The following UBE2F variants were observed in gnomAD, a reference collection of about 807,000 sequenced individuals.
UBE2F encodes the protein ubiquitin conjugating enzyme E2 F (putative), also known as NEDD8-conjugating enzyme UBE2F.
A neutral mutation model predicts 29.6 loss-of-function variants in UBE2F; 5 were observed. The ratio of observed to expected loss-of-function variants is 0.17; its 90% confidence interval spans 0.09 to 0.36. UBE2F has a LOEUF of 0.36. Ranked by LOEUF, UBE2F falls within the 10% of genes least tolerant of loss-of-function variation. The probability of loss-of-function intolerance (pLI) is 1.00; values close to 1 mark genes in which losing one functional copy is unlikely to be tolerated. For synonymous variants in UBE2F, 66 were observed against 81.8 expected, an observed-to-expected ratio of 0.81 and a Z score of 1.04; for missense variants, 141 against 228.5, an observed-to-expected ratio of 0.62 and a Z score of 2.47.
intron 5 of UBE2F, 73 bp downstream of exon 5, chr2:238,016,706 C>A: frequency 7.4e-7 from 1 of 1,346,350 alleles, no homozygotes; most frequent in Non-Finnish European, 1.0e-6. Flanking sequence ...CCGCCACTGG[C>A]ACAGGGCCCT....
intron 1 of UBE2F, among the ~76,000 whole-genome samples, chr2:237,971,636 T>C (rs76795476): frequency 0.02 from 2,996 of 152,318 alleles, 97 homozygotes; most frequent in African/African-American, 0.069. Flanking sequence ...TGACAAATAT[T>C]TGTCCTCAGT....
chr2:237,973,659 A>G, intron 2 of UBE2F: 10 of 1,303,172 alleles, frequency 7.7e-6, no homozygotes, highest in Non-Finnish European at 1.0e-5. Flanking sequence ...GTCAAAGCCT[A>G]CGGCGAATCT....
At chr2:237,980,373 G>A (rs2063356085) in intron 2 of UBE2F, among the ~76,000 whole-genome samples, 2 of 152,244 alleles carry the variant, frequency 1.3e-5, no homozygotes, top group South Asian at 4.1e-4. Context: ...TCAAGTTCCT[G>A]ATGAGAGCTC....
rs2063514583 is a variant in UBE2F at position 237,987,943 on chromosome 2, T to C, written c.119-20T>C. The C allele has an allele frequency of 7.0e-7, 1 of 1,420,676 alleles. No homozygotes were observed. 88.0% of individuals were successfully genotyped at this position (1,420,676 alleles called of 1,614,324 possible). On this transcript the variant is annotated intron_variant, in intron 2 of 9. Transcript: ENST00000272930. ...TGGAGTAATTGACTAATATTAATAA[T>C]AATTTCTTTGTTTCTACAGAGGTTG...
intron 4 of UBE2F, among the ~76,000 whole-genome samples, chr2:237,998,796 T>C (rs2063736087): frequency 6.6e-6 from 1 of 152,190 alleles, no homozygotes; most frequent in Admixed American, 6.5e-5. Flanking sequence ...TCTACACATA[T>C]ATCAACATTT....
At chr2:238,012,761 T>C (rs2028929) in intron 4 of UBE2F, among the ~76,000 whole-genome samples, 133,598 of 152,206 alleles carry the variant, frequency 0.88, 58,948 homozygotes, top group East Asian at 0.97. Context: ...GACGTGGAAC[T>C]GGTGCCCTAG....
intron 6 of UBE2F, among the ~76,000 whole-genome samples, chr2:238,027,450 C>T (rs971412318): frequency 2.6e-5 from 4 of 152,254 alleles, no homozygotes; most frequent in Middle Eastern, 3.4e-3. Flanking sequence ...TGTGGCTTAC[C>T]ACTCACCAGA....
At chr2:238,026,508 A>T (rs2064433699) in intron 6 of UBE2F, among the ~76,000 whole-genome samples, 1 of 151,946 alleles carries the variant, frequency 6.6e-6, no homozygotes, top group Admixed American at 6.6e-5. Flanking sequence ...ATCTGAGCTC[A>T]CTGCAAGCTC....
At chr2:238,016,370 G>T (rs1364649574) in intron 4 of UBE2F, among the ~76,000 whole-genome samples, 196 bp from the exon 5 acceptor site, 2 of 152,108 alleles carry the variant, frequency 1.3e-5, no homozygotes, top group Admixed American at 6.5e-5. Context: ...ACAGCATGGA[G>T]CCCATTTCTG....
chr2:238,034,227 G>A (rs954673589), intron 8 of UBE2F, among the ~76,000 whole-genome samples: 1 of 151,482 alleles, frequency 6.6e-6, no homozygotes, highest in African/African-American at 2.4e-5. Flanking sequence ...AGAAATTGGA[G>A]ACCAGCCTAG....
chr2:237,977,906 T>A (rs1233593100), intron 2 of UBE2F, among the ~76,000 whole-genome samples: 1 of 152,066 alleles, frequency 6.6e-6, no homozygotes, highest in Non-Finnish European at 1.5e-5. Flanking sequence ...ATAGGCTGGG[T>A]TTCCTGAAGA....
chr2:238,009,651 C>T (rs1427113836), intron 4 of UBE2F, among the ~76,000 whole-genome samples: 1 of 152,188 alleles, frequency 6.6e-6, no homozygotes, highest in Non-Finnish European at 1.5e-5. Context: ...TTGTCTGCAG[C>T]CCTGCATCCC....
chr2:238,029,271 T>C (rs1246040832), intron 6 of UBE2F, among the ~76,000 whole-genome samples: 1 of 90,910 alleles, frequency 1.1e-5, no homozygotes, highest in East Asian at 3.9e-4. Context: ...CTTTTTCTTT[T>C]GAACTTTAAA....
intron 4 of UBE2F, among the ~76,000 whole-genome samples, chr2:238,011,508 G>C (rs1002992855): frequency 5.3e-5 from 8 of 152,154 alleles, no homozygotes; most frequent in African/African-American, 1.9e-4. Flanking sequence ...ATCTCTTGTT[G>C]ATGTGTCACC....
chr2:237,996,147 T>G (rs1348065227), intron 4 of UBE2F, among the ~76,000 whole-genome samples: 3 of 152,236 alleles, frequency 2.0e-5, no homozygotes, highest in African/African-American at 7.2e-5. Flanking sequence ...TAATGCTTTC[T>G]TGGTGACTCA....
intron 6 of UBE2F, among the ~76,000 whole-genome samples, chr2:238,026,015 T>C (rs1263073667): frequency 6.6e-6 from 1 of 152,064 alleles, no homozygotes; most frequent in Non-Finnish European, 1.5e-5. Context: ...GTAGGTGGAT[T>C]GGTTGGTTTT....
At chr2:238,014,142 T>G (rs1389798866) in intron 4 of UBE2F, among the ~76,000 whole-genome samples, 1 of 152,218 alleles carries the variant, frequency 6.6e-6, no homozygotes, top group African/African-American at 2.4e-5. Context: ...GAAGGAAACC[T>G]TGTAAATAAG....
intron 4 of UBE2F, among the ~76,000 whole-genome samples, chr2:238,008,160 G>T (rs777261281): frequency 1.2e-4 from 18 of 151,866 alleles, no homozygotes; most frequent in African/African-American, 4.4e-4. Context: ...TTGTAGAGAC[G>T]GGGGTCTCAC....
rs1431465188 is a variant in UBE2F, at chr2:238,041,778, A to T, written c.*440A>T. The T allele has an allele frequency of 6.4e-6, 1 of 155,690 alleles. No homozygotes were observed. Among genetic ancestry groups the T allele is most frequent in the Non-Finnish European group, 1.4e-5 (1 of 70,054 alleles). The allele number at this position is 155,690 out of a possible 1,614,324, so 9.6% of individuals were successfully genotyped here. A position where few individuals can be genotyped will look rare whatever the true frequency, so the allele number is the denominator to read the frequency against. On this transcript the variant is annotated 3_prime_UTR_variant, in exon 10 of 10. Transcript: ENST00000272930. ...GATACCCGCTACAAACTGTGATTGGATGCAAAATCTCTTAGCTTCTTTCAC... is the reference window on the plus strand; with the variant it reads ...GATACCCGCTACAAACTGTGATTGGTTGCAAAATCTCTTAGCTTCTTTCAC...
Sources: gnomAD v4.1 joint callset for allele counts (sites outside exome capture counted in the v4.1 genomes callset) on GRCh38, gnomAD v4.1.1 for gene constraint, MANE v1.5 for transcripts, NCBI Gene and HGNC (gene_info 2026-07-23, HGNC 2026-07-21) for gene names.